Variants in TMPRSS15 observed in about 807,000 individuals in gnomAD.
The protein encoded by TMPRSS15 is transmembrane serine protease 15, also known as enteropeptidase.
Under a neutral mutation model 125.3 loss-of-function variants are expected in TMPRSS15, and 128 were observed. The observed-to-expected ratio is 1.02, with a 90% confidence interval of 0.89 to 1.18. TMPRSS15 has a LOEUF of 1.18. TMPRSS15 is among the 50% of genes most tolerant of loss of function. The probability of loss-of-function intolerance (pLI) is 0.00; values close to 1 mark genes in which losing one functional copy is unlikely to be tolerated. For synonymous variants in TMPRSS15, 446 were observed against 423.2 expected, an observed-to-expected ratio of 1.05 and a Z score of -0.66; for missense variants, 1,283 against 1,212.7, an observed-to-expected ratio of 1.06 and a Z score of -0.86.
At chr21:18,283,074 T>A (rs1375078311) in intron 21 of TMPRSS15, among the ~76,000 whole-genome samples, 1 of 152,280 alleles carries the variant, frequency 6.6e-6, no homozygotes, top group Non-Finnish European at 1.5e-5. Context: ...GTCTTCGTGC[T>A]TTCTCTTCTC....
intron 3 of TMPRSS15, among the ~76,000 whole-genome samples, chr21:18,395,491 C>A (rs1208930672): frequency 6.6e-6 from 1 of 152,164 alleles, no homozygotes; most frequent in Non-Finnish European, 1.5e-5. Context: ...CACAGAAGAA[C>A]AAATTGACAA....
intron 4 of TMPRSS15, 81 bp from the exon 5 acceptor site, chr21:18,379,399 A>G (rs975559331): frequency 3.3e-6 from 2 of 597,588 alleles, no homozygotes. Flanking sequence ...CATTCTGTAT[A>G]ATAATTAACC....
At chr21:18,434,232 C>A (rs953912215) in intron 1 of TMPRSS15, among the ~76,000 whole-genome samples, 1 of 152,092 alleles carries the variant, frequency 6.6e-6, no homozygotes, top group African/African-American at 2.4e-5. Flanking sequence ...CTACATTGCA[C>A]GTATACTCAT....
At chr21:18,479,517 C>T (rs1978939847) in intron 1 of TMPRSS15, among the ~76,000 whole-genome samples, 1 of 151,524 alleles carries the variant, frequency 6.6e-6, no homozygotes. Flanking sequence ...CCTTTAGGGA[C>T]TAAAGAAAAA....
intron 24 of TMPRSS15, among the ~76,000 whole-genome samples, chr21:18,273,782 A>AGAT (rs1346927803): frequency 2.6e-5 from 4 of 152,216 alleles, no homozygotes; most frequent in Non-Finnish European, 5.9e-5. Context: ...TAAGACCCGA[A>AGAT]GATAAATTTT....
intron 10 of TMPRSS15, among the ~76,000 whole-genome samples, chr21:18,349,751 G>A (rs1015467506): frequency 5.3e-5 from 8 of 152,038 alleles, no homozygotes; most frequent in African/African-American, 1.9e-4. Context: ...CTGCTACTAC[G>A]CTTTCTCCTG....
At chr21:18,272,968 T>C (rs1044787458) in intron 24 of TMPRSS15, among the ~76,000 whole-genome samples, 3 of 152,162 alleles carry the variant, frequency 2.0e-5, no homozygotes, top group Admixed American at 2.0e-4. Context: ...CTGGAAGATG[T>C]GACAAACACA....
At chr21:18,336,972 G>C (rs2075398555) in intron 13 of TMPRSS15, among the ~76,000 whole-genome samples, 1 of 152,230 alleles carries the variant, frequency 6.6e-6, no homozygotes, top group Non-Finnish European at 1.5e-5. Context: ...GGTACTGATT[G>C]ATTCATATCT....
intron 18 of TMPRSS15, among the ~76,000 whole-genome samples, chr21:18,309,650 T>C (rs947929659): frequency 6.6e-6 from 1 of 152,112 alleles, no homozygotes; most frequent in South Asian, 2.1e-4. Context: ...AAAGAAGACA[T>C]TTATGCAGCC....
intron 10 of TMPRSS15, among the ~76,000 whole-genome samples, chr21:18,345,740 C>CAAAAAAAA (rs1235619873): frequency 0.15 from 2,384 of 15,528 alleles, 886 homozygotes; most frequent in Middle Eastern, 0.5. Flanking sequence ...GACTCCGTCT[C>CAAAAAAAA]AAAAAAAAAA....
At chr21:18,449,864 C>T (rs998478641) in intron 1 of TMPRSS15, among the ~76,000 whole-genome samples, 1 of 47,608 alleles carries the variant, frequency 2.1e-5, no homozygotes, top group Admixed American at 3.6e-4. Flanking sequence ...CTCAAACACA[C>T]ACACACACAC....
chr21:18,418,114 A>G lies in TMPRSS15; in HGVS notation c.11-19785T>C, dbSNP rs549418253. Reference sequence around the variant, plus strand: ...TCATTTGTTCTTTCTGTCATGTCCAATTAAAACAAAAGAAATGAAACTTCT... The same window carrying G: ...TCATTTGTTCTTTCTGTCATGTCCAGTTAAAACAAAAGAAATGAAACTTCT... On this transcript the variant is annotated intron_variant, in intron 1 of 7. Coordinates refer to the TMPRSS15 transcript ENST00000422787. Among the ~76,000 whole-genome samples the G allele has an allele frequency of 2.7e-4, 41 of 152,328 alleles. 2 individuals carry two copies. The highest frequency in any genetic ancestry group is 9.6e-5 in the African/African-American group (4 of 41,576).
intron 21 of TMPRSS15, among the ~76,000 whole-genome samples, chr21:18,291,968 C>T (rs2074841370): frequency 1.3e-5 from 2 of 152,132 alleles, no homozygotes; most frequent in South Asian, 4.1e-4. Context: ...CATCTTGAGA[C>T]TAACAAGACA....
intron 23 of TMPRSS15, 144 bp from the exon 24 acceptor site, chr21:18,275,480 T>G (rs1314033213): frequency 9.9e-7 from 1 of 1,008,216 alleles, no homozygotes; most frequent in African/African-American, 1.6e-5. Flanking sequence ...ATACTAAACC[T>G]TGCACACTAA....
chr21:18,483,965 TTTTTA>T (rs1437143368), intron 1 of TMPRSS15, among the ~76,000 whole-genome samples: 1 of 151,890 alleles, frequency 6.6e-6, no homozygotes. Flanking sequence ...TAATCCTTAT[TTTTTA>T]TTTTATATGA....
At chr21:18,409,472 A>G (rs1040054757) in intron 1 of TMPRSS15, among the ~76,000 whole-genome samples, 2 of 151,952 alleles carry the variant, frequency 1.3e-5, no homozygotes, top group African/African-American at 4.8e-5. Flanking sequence ...CTTAGGATGA[A>G]TTATCTTAGT....
chr21:18,368,891 C>T (rs534466107), intron 6 of TMPRSS15, among the ~76,000 whole-genome samples: 34 of 152,268 alleles, frequency 2.2e-4, no homozygotes, highest in Admixed American at 2.1e-3. Flanking sequence ...AAGACAGAGG[C>T]TTGTGTAAGG....
chr21:18,280,350 G>A (rs1409275691), intron 22 of TMPRSS15, among the ~76,000 whole-genome samples: 1 of 152,002 alleles, frequency 6.6e-6, no homozygotes, highest in Non-Finnish European at 1.5e-5. Flanking sequence ...GGCAAGGTGG[G>A]TGGATCACAA....
At chr21:18,324,236 T>C (rs948813449) in intron 16 of TMPRSS15, among the ~76,000 whole-genome samples, 2 of 152,204 alleles carry the variant, frequency 1.3e-5, no homozygotes, top group Non-Finnish European at 2.9e-5. Flanking sequence ...ATGTTTATTG[T>C]TTTCAAATTT....
Sources: gnomAD v4.1 joint callset for allele counts (sites outside exome capture counted in the v4.1 genomes callset) on GRCh38, gnomAD v4.1.1 for gene constraint, MANE v1.5 for transcripts, NCBI Gene and HGNC (gene_info 2026-07-23, HGNC 2026-07-21) for gene names.